The following SGIP1 variants were observed in gnomAD, a reference collection of about 807,000 sequenced individuals.
SGIP1 encodes SH3GL interacting endocytic adaptor 1, also known as SH3-containing GRB2-like protein 3-interacting protein 1.
A neutral mutation model predicts 107.5 loss-of-function variants in SGIP1; 38 were observed. The observed-to-expected ratio is 0.35, with a 90% CI of 0.27 to 0.46. The LOEUF is 0.46. SGIP1 is among the 20% of genes least tolerant of loss of function. The pLI is 1.00. For missense variants in SGIP1, 929 were observed against 1,019.5 expected, an observed-to-expected ratio of 0.91 and a Z score of 1.21; for synonymous variants, 365 against 366.1, an observed-to-expected ratio of 1.00 and a Z score of 0.03.
intron 2 of SGIP1, among the ~76,000 whole-genome samples, chr1:66,630,631 A>G (rs2074071049): frequency 6.6e-6 from 1 of 151,000 alleles, no homozygotes; most frequent in Admixed American, 6.6e-5. Context: ...ACATGGTGAA[A>G]CTGCTTCTCT....
rs59060604 is a variant in SGIP1 at position 66,602,640 on chromosome 1, TAATAAATA to T, written c.11-23188_11-23181del. Among the ~76,000 whole-genome samples, 7 of 150,638 alleles carry T rather than the reference TAATAAATA, an allele frequency of 4.6e-5. No individual in the cohort carries two copies. The East Asian group carries it at 7.9e-4, about 17-fold the overall frequency. On this transcript the variant is annotated intron_variant, in intron 1 of 24. Transcript: ENST00000371037. The stretch of plus-strand genomic sequence containing the variant: ...ATGTACCCTAGAACTTAAAGTATAA[TAATAAATA>T]AATAAATAAATAAATAAAAAGAAAT...
At chr1:66,670,761 C>T (rs906145831) in intron 9 of SGIP1, among the ~76,000 whole-genome samples, 2 of 152,066 alleles carry the variant, frequency 1.3e-5, no homozygotes, top group African/African-American at 4.8e-5. Context: ...GGTTTTTCTT[C>T]TTCAGAAGAC....
intron 1 of SGIP1, among the ~76,000 whole-genome samples, chr1:66,551,374 C>T (rs1192759638): frequency 1.3e-5 from 2 of 152,156 alleles, no homozygotes; most frequent in Non-Finnish European, 1.5e-5. Flanking sequence ...GGCGCATCTC[C>T]TACTTTCAGT....
At chr1:66,702,622 C>A (rs1021228053) in intron 18 of SGIP1, among the ~76,000 whole-genome samples, 1 of 152,174 alleles carries the variant, frequency 6.6e-6, no homozygotes, top group African/African-American at 2.4e-5. Context: ...TTTCTCATTT[C>A]TGGTAACTTC....
At chr1:66,705,461 A>G (rs2092409303) in intron 18 of SGIP1, among the ~76,000 whole-genome samples, 1 of 152,206 alleles carries the variant, frequency 6.6e-6, no homozygotes, top group African/African-American at 2.4e-5. Context: ...AAAAGTTGCA[A>G]TCATCACTGT....
intron 1 of SGIP1, among the ~76,000 whole-genome samples, chr1:66,547,487 T>C (rs1420493710): frequency 6.6e-6 from 1 of 152,198 alleles, no homozygotes; most frequent in Non-Finnish European, 1.5e-5. Context: ...CGATTTCATC[T>C]GGATTTCTTC....
chr1:66,725,275 A>G (rs2093702926), intron 19 of SGIP1, among the ~76,000 whole-genome samples: 1 of 152,170 alleles, frequency 6.6e-6, no homozygotes, highest in East Asian at 1.9e-4. Context: ...TATACCTACA[A>G]GGTTATAGCA....
intron 1 of SGIP1, among the ~76,000 whole-genome samples, chr1:66,549,766 C>G (rs191609692): frequency 7.4e-4 from 112 of 152,282 alleles, no homozygotes; most frequent in Middle Eastern, 3.4e-3. Context: ...TGCTTCCCAA[C>G]CCCTGCCAGC....
At chr1:66,722,627 C>T (rs978745998) in intron 19 of SGIP1, among the ~76,000 whole-genome samples, 4 of 152,170 alleles carry the variant, frequency 2.6e-5, no homozygotes, top group African/African-American at 9.7e-5. Context: ...GAAAATAGGA[C>T]TTGTGCATAA....
At chr1:66,618,339 TA>T (rs1483095366) in intron 1 of SGIP1, among the ~76,000 whole-genome samples, 1 of 152,136 alleles carries the variant, frequency 6.6e-6, no homozygotes, top group Non-Finnish European at 1.5e-5. Context: ...TATACACAAA[TA>T]AATATCAAAA....
intron 3 of SGIP1, among the ~76,000 whole-genome samples, chr1:66,633,322 G>T (rs2075170117): frequency 6.6e-6 from 1 of 152,122 alleles, no homozygotes; most frequent in Non-Finnish European, 1.5e-5. Flanking sequence ...AGAGCAGGCA[G>T]GAAAACAGAT....
intron 1 of SGIP1, chr1:66,616,132 A>G (rs2149218065): frequency 6.6e-6 from 1 of 152,320 alleles, no homozygotes; most frequent in East Asian, 1.9e-4. Flanking sequence ...GAGTGTTTTA[A>G]TCCCCACTTA....
chr1:66,698,448 G>A (rs1418590942), intron 18 of SGIP1, among the ~76,000 whole-genome samples: 2 of 144,708 alleles, frequency 1.4e-5, no homozygotes, highest in African/African-American at 5.2e-5. Context: ...GCTCGATCTC[G>A]GCTCACTGCA....
intron 1 of SGIP1, among the ~76,000 whole-genome samples, chr1:66,539,751 C>T (rs1285278107): frequency 6.6e-6 from 1 of 152,176 alleles, no homozygotes; most frequent in African/African-American, 2.4e-5. Flanking sequence ...TACCAATTCT[C>T]TTGTGGTCCC....
chr1:66,679,439 ATAT>A (rs1387783590), intron 13 of SGIP1, among the ~76,000 whole-genome samples: 2 of 152,172 alleles, frequency 1.3e-5, no homozygotes, highest in Non-Finnish European at 2.9e-5. Context: ...TAAAATGGTG[ATAT>A]TATTATTACT....
At chr1:66,541,835 C>T (rs563064960) in intron 1 of SGIP1, among the ~76,000 whole-genome samples, 48 of 152,250 alleles carry the variant, frequency 3.2e-4, no homozygotes, top group African/African-American at 1.1e-3. Flanking sequence ...AACAGATACA[C>T]CTGGAGTGTT....
At chr1:66,723,386 C>G (rs1008059171) in intron 19 of SGIP1, among the ~76,000 whole-genome samples, 1 of 152,164 alleles carries the variant, frequency 6.6e-6, no homozygotes, top group African/African-American at 2.4e-5. Context: ...GCACCCATAA[C>G]AGGTATTCTG....
At chr1:66,629,863 TAC>T (rs2073864564) in intron 2 of SGIP1, among the ~76,000 whole-genome samples, 1 of 152,194 alleles carries the variant, frequency 6.6e-6, no homozygotes, top group South Asian at 2.1e-4. Flanking sequence ...AATGAGCATT[TAC>T]TATGTTCTAG....
chr1:66,737,288 T>A (rs1470480175), intron 21 of SGIP1, among the ~76,000 whole-genome samples: 3 of 152,184 alleles, frequency 2.0e-5, no homozygotes, highest in Non-Finnish European at 1.5e-5. Flanking sequence ...ATAAAAAAAT[T>A]TTTTAAATTA....
Sources: allele counts gnomAD v4.1 joint callset (sites outside exome capture counted in the v4.1 genomes callset), GRCh38; gene constraint gnomAD v4.1.1; transcripts MANE v1.5; gene names NCBI Gene and HGNC (gene_info 2026-07-23, HGNC 2026-07-21).